The following PCDH9 variants were observed in gnomAD, a reference collection of about 807,000 sequenced individuals.
PCDH9 encodes the protein protocadherin-9.
Under a neutral mutation model 70.6 loss-of-function variants are expected in PCDH9, and 24 were observed. The observed-to-expected ratio is 0.34, with a 90% CI of 0.25 to 0.48. The LOEUF (loss-of-function observed/expected upper bound fraction) is 0.48. Ranked by LOEUF, PCDH9 falls within the 20% of genes least tolerant of loss-of-function variation. PCDH9 has a pLI of 0.99. For missense variants in PCDH9, 1,281 were observed against 1,503.6 expected (o/e 0.85, Z 2.45); for synonymous variants, 562 against 558.5 (o/e 1.01, Z -0.09).
chr13:66,438,053 G>A (rs1957906562), intron 4 of PCDH9, among the ~76,000 whole-genome samples: 1 of 151,956 alleles, frequency 6.6e-6, no homozygotes, highest in African/African-American at 2.4e-5. Flanking sequence ...GGCCAATATG[G>A]TGAAACCCCA....
intron 4 of PCDH9, among the ~76,000 whole-genome samples, chr13:66,410,096 T>C (rs1761467): frequency 0.97 from 148,351 of 152,218 alleles, 72,321 homozygotes; most frequent in Non-Finnish European, 0.99. Flanking sequence ...AATATAACAG[T>C]CAAGTATGAG....
chr13:66,896,964 G>C (rs1043710500), intron 3 of PCDH9, among the ~76,000 whole-genome samples: 2 of 152,102 alleles, frequency 1.3e-5, no homozygotes, highest in African/African-American at 4.8e-5. Flanking sequence ...ACTCCTTCAA[G>C]TCTTATTTAT....
At chr13:66,921,311 C>A (rs567315185) in intron 2 of PCDH9, among the ~76,000 whole-genome samples, 1 of 150,996 alleles carries the variant, frequency 6.6e-6, no homozygotes, top group Non-Finnish European at 1.5e-5. Flanking sequence ...GGGAACTATG[C>A]AAGCAGACAT....
chr13:67,144,314 C>T lies in PCDH9; in HGVS notation c.3036+81091G>A, dbSNP rs371343656. On this transcript the variant is annotated intron_variant, in intron 2 of 4. Coordinates refer to ENST00000377865, the MANE Select transcript of PCDH9 (RefSeq NM_203487.3). Reference sequence around the variant, plus strand: ...TTTGTAAAATTTGTAATAACTGTCTCCTAGGAACAATACTCTTCCATCTTT... The same window carrying T: ...TTTGTAAAATTTGTAATAACTGTCTTCTAGGAACAATACTCTTCCATCTTT... 8.5e-5 allele frequency among the ~76,000 whole-genome samples: 13 copies of T among 152,218 alleles called. No homozygotes were observed. In the South Asian group the frequency reaches 2.5e-3, roughly 29 times the overall value.
intron 2 of PCDH9, among the ~76,000 whole-genome samples, chr13:67,164,439 G>A (rs2088049821): frequency 6.6e-6 from 1 of 151,880 alleles, no homozygotes; most frequent in South Asian, 2.1e-4. Context: ...GCCTGGTGTG[G>A]TGGCAGGCAC....
Position 66,473,614 on chromosome 13 carries a change from A to C in PCDH9, c.3340+157596T>G, listed in dbSNP as rs187207972. ...ACTGCATACAATGTGATAAATGACA[A>C]AATTTGAGCCCTTCAGGATCACTTT... On this transcript the variant is annotated intron_variant, in intron 4 of 4. Transcript: ENST00000377865. Among the ~76,000 whole-genome samples, 18 of 152,304 alleles carry C rather than the reference A, an allele frequency of 1.2e-4. No individual in the cohort carries two copies. The East Asian group carries it at 2.3e-3, about 20-fold the overall frequency.
chr13:67,000,602 T>C (rs555661400), intron 2 of PCDH9, among the ~76,000 whole-genome samples: 32 of 152,130 alleles, frequency 2.1e-4, no homozygotes, highest in Middle Eastern at 3.4e-3. Context: ...GAAAAAAGTT[T>C]TTATACAGTT....
At chr13:66,934,440 C>T (rs1392966812) in intron 2 of PCDH9, among the ~76,000 whole-genome samples, 1 of 150,294 alleles carries the variant, frequency 6.7e-6, no homozygotes, top group Non-Finnish European at 1.5e-5. Flanking sequence ...ACTTAGGAGG[C>T]TGAGAGAGGA....
At chr13:67,039,997 A>AG (rs750847232) in intron 2 of PCDH9, among the ~76,000 whole-genome samples, 1 of 152,072 alleles carries the variant, frequency 6.6e-6, no homozygotes, top group Admixed American at 6.6e-5. Flanking sequence ...TGTGGAAAAA[A>AG]GAAAAAAAAA....
intron 2 of PCDH9, among the ~76,000 whole-genome samples, chr13:66,986,354 C>G (rs933569981): frequency 1.5e-4 from 23 of 151,932 alleles, no homozygotes; most frequent in Non-Finnish European, 3.1e-4. Flanking sequence ...ACAGGCAAAC[C>G]ATATCATAAA....
rs578234601 is a variant in PCDH9 at position 66,523,608 on chromosome 13, G to A, written c.3340+107602C>T. ...CATATGTACACAGATACTACTATGT[G>A]CACAGTGATTCAGTGGAAGAATGCA... On this transcript the variant is annotated intron_variant, in intron 4 of 4. Transcript: ENST00000377865. Among the ~76,000 whole-genome samples the A allele has an allele frequency of 3.3e-5, 5 of 151,928 alleles. No homozygotes were observed. In the East Asian group the frequency reaches 9.7e-4, roughly 30 times the overall value.
At chr13:67,119,101 G>A (rs549533809) in intron 2 of PCDH9, among the ~76,000 whole-genome samples, 1 of 152,208 alleles carries the variant, frequency 6.6e-6, no homozygotes, top group African/African-American at 2.4e-5. Flanking sequence ...AGGCCGTAAT[G>A]GATGGAAAAA....
intron 2 of PCDH9, among the ~76,000 whole-genome samples, chr13:66,954,297 T>A (rs2083232594): frequency 1.3e-5 from 2 of 152,220 alleles, no homozygotes; most frequent in Admixed American, 1.3e-4. Flanking sequence ...ACTTATATAA[T>A]CTCACAACAA....
At chr13:66,397,466 A>ATG (rs892415024) in intron 4 of PCDH9, among the ~76,000 whole-genome samples, 2,326 of 41,176 alleles carry the variant, frequency 0.056, 67 homozygotes, top group African/African-American at 0.13. Flanking sequence ...GTATATATAT[A>ATG]TGTGTGTGTG....
intron 4 of PCDH9, among the ~76,000 whole-genome samples, chr13:66,573,265 CT>C (rs57530466): frequency 0.034 from 4,158 of 121,012 alleles, 150 homozygotes; most frequent in African/African-American, 0.11. Context: ...CATTTACCTA[CT>C]TTTTTTTTTT....
intron 3 of PCDH9, among the ~76,000 whole-genome samples, chr13:66,787,309 A>G (rs1305339113): frequency 6.6e-6 from 1 of 152,122 alleles, no homozygotes; most frequent in Non-Finnish European, 1.5e-5. Context: ...TTTAAAACAT[A>G]TATGTTAAGA....
intron 3 of PCDH9, among the ~76,000 whole-genome samples, chr13:66,716,169 A>G (rs544958807): frequency 6.6e-6 from 1 of 152,308 alleles, no homozygotes; most frequent in Non-Finnish European, 1.5e-5. Context: ...AATAATCTCA[A>G]TTTATTTTGA....
chr13:67,118,005 A>G (rs2086810221), intron 2 of PCDH9, among the ~76,000 whole-genome samples: 1 of 152,212 alleles, frequency 6.6e-6, no homozygotes. Flanking sequence ...TAAATAAAAA[A>G]TGACTTTAAA....
intron 3 of PCDH9, among the ~76,000 whole-genome samples, chr13:66,868,189 A>C (rs1359821261): frequency 6.6e-6 from 1 of 152,056 alleles, no homozygotes; most frequent in Non-Finnish European, 1.5e-5. Flanking sequence ...TGTAATATGC[A>C]GTACAAATTT....
Sources: allele counts gnomAD v4.1 joint callset (sites outside exome capture counted in the v4.1 genomes callset), GRCh38; gene constraint gnomAD v4.1.1; transcripts MANE v1.5; gene names NCBI Gene and HGNC (gene_info 2026-07-23, HGNC 2026-07-21).